POTEF: variants seen among roughly 807,000 people sequenced by gnomAD.
The protein encoded by POTEF is POTE ankyrin domain family member F.
POTEF carries 20 observed loss-of-function variants against 83.2 expected under a neutral mutation model. The observed-to-expected ratio is 0.24, with a 90% CI of 0.17 to 0.35. The LOEUF (loss-of-function observed/expected upper bound fraction) is 0.35. Ranked by LOEUF, POTEF falls within the 10% of genes least tolerant of loss-of-function variation. POTEF has a pLI of 1.00. For synonymous variants in POTEF, 196 were observed against 446.4 expected (o/e 0.44, Z 7.07); for missense variants, 550 against 1,203.2 (o/e 0.46, Z 8.03).
chr2:130,111,134 C>G (rs1377296758), intron 6 of POTEF, among the ~76,000 whole-genome samples: 1 of 149,592 alleles, frequency 6.7e-6, no homozygotes, highest in Non-Finnish European at 1.5e-5. Context: ...GTGCCAATAA[C>G]CATGTGCTAG....
intron 9 of POTEF, among the ~76,000 whole-genome samples, chr2:130,101,689 G>C (rs1293807662): frequency 1.4e-5 from 2 of 140,322 alleles, no homozygotes; most frequent in Non-Finnish European, 3.0e-5. Context: ...TAATTCTATT[G>C]CTTAATAACA....
intron 3 of POTEF, among the ~76,000 whole-genome samples, chr2:130,116,474 A>G (rs1282886366): frequency 1.4e-4 from 20 of 147,340 alleles, no homozygotes; most frequent in East Asian, 4.0e-4. Flanking sequence ...GTACCCATTC[A>G]TTCTATTTCC....
intron 15 of POTEF, among the ~76,000 whole-genome samples, chr2:130,085,076 CATA>C (rs1475153876): frequency 2.2e-5 from 2 of 92,948 alleles, no homozygotes; most frequent in Non-Finnish European, 4.2e-5. Context: ...AAATTTTTTA[CATA>C]ATACTATAAT....
At chr2:130,083,866 TA>T (rs1683958514) in intron 15 of POTEF, among the ~76,000 whole-genome samples, 2 of 69,234 alleles carry the variant, frequency 2.9e-5, no homozygotes, top group African/African-American at 1.5e-4. Flanking sequence ...TTCTAAAGGT[TA>T]TAAAAATTAT....
chr2:130,116,110 T>G (rs1007712782), intron 3 of POTEF, among the ~76,000 whole-genome samples: 1 of 152,086 alleles, frequency 6.6e-6, no homozygotes, highest in East Asian at 1.9e-4. Context: ...ATAAGAAAGC[T>G]GAGGTGAAAA....
chr2:130,128,931 CCT>C (rs1401354631), intron 1 of POTEF, 139 bp downstream of exon 1: 10 of 123,258 alleles, frequency 8.1e-5, no homozygotes, highest in Admixed American at 2.5e-4. Flanking sequence ...AAACCGCCCC[CCT>C]CCACCGCCAG....
Position 130,107,946 on chromosome 2 carries a change from G to A in POTEF, c.1126+63C>T, listed in dbSNP as rs1328806839. ...TGGAAAAATTGTCTTCCACAAAACC[G>A]GTCCCTGGTGTCAAAAAGATTGGGG... On this transcript the variant is annotated intron_variant, in intron 8 of 16. Coordinates refer to ENST00000409914, the MANE Select transcript of POTEF (RefSeq NM_001099771.2). The A allele has an allele frequency of 3.2e-5, 49 of 1,525,108 alleles. 1 individual carries two copies. The highest frequency in any genetic ancestry group is 1.8e-4 in the East Asian group (7 of 38,652). 94.5% of individuals were successfully genotyped at this position (1,525,108 alleles called of 1,614,324 possible). A position where few individuals can be genotyped will look rare whatever the true frequency, so the allele number is the denominator to read the frequency against.
At chr2:130,115,617 G>A (rs1478636424) in intron 3 of POTEF, among the ~76,000 whole-genome samples, 1 of 152,040 alleles carries the variant, frequency 6.6e-6, no homozygotes, top group African/African-American at 2.4e-5. Flanking sequence ...AGCCTTTTGG[G>A]GTCTCAGTTT....
chr2:130,113,281 G>A (rs1684759522), intron 5 of POTEF, among the ~76,000 whole-genome samples: 1 of 115,070 alleles, frequency 8.7e-6, no homozygotes, highest in Non-Finnish European at 1.8e-5. Context: ...GGTCGAGGCT[G>A]CAGTGAGCTG....
At chr2:130,105,390 T>C (rs552935303) in intron 8 of POTEF, among the ~76,000 whole-genome samples, 7,369 of 151,244 alleles carry the variant, frequency 0.049, 603 homozygotes, top group African/African-American at 0.17. Context: ...TTGTAATACA[T>C]TGATGCTACT....
intron 13 of POTEF, among the ~76,000 whole-genome samples, chr2:130,087,583 T>A (rs1323450123): frequency 3.0e-5 from 3 of 101,432 alleles, no homozygotes; most frequent in African/African-American, 1.3e-4. Context: ...GATTCTTCTG[T>A]TAATAAGGTT....
At chr2:130,113,932 C>T (rs1164921651) in intron 5 of POTEF, among the ~76,000 whole-genome samples, 1 of 151,706 alleles carries the variant, frequency 6.6e-6, no homozygotes, top group Non-Finnish European at 1.5e-5. Flanking sequence ...TGATTTTCCC[C>T]GGTAAGAGAA....
At chr2:130,121,621 G>A (rs1410210104) in intron 2 of POTEF, among the ~76,000 whole-genome samples, 3 of 62,498 alleles carry the variant, frequency 4.8e-5, no homozygotes, top group East Asian at 3.7e-4. Context: ...CTCCTGCCCC[G>A]GTGCAGTGTA....
chr2:130,122,662 A>G lies in POTEF; in HGVS notation c.-93-2054T>C, dbSNP rs2407456. ...AATTTTGACAATATTAATTTTTTCA[A>G]TTGATATAGGACTTTTTCTATTTGT... On this transcript the variant is annotated intron_variant, in intron 2 of 16. Transcript: ENST00000409914. 3.0e-4 allele frequency among the ~76,000 whole-genome samples: 45 copies of G among 151,582 alleles called. 1 individual carries two copies. The highest frequency in any genetic ancestry group is 1.1e-3 in the African/African-American group (44 of 40,886).
intron 2 of POTEF, among the ~76,000 whole-genome samples, chr2:130,124,505 TATAAG>T (rs894199537): frequency 1.1e-4 from 15 of 142,518 alleles, no homozygotes; most frequent in African/African-American, 4.1e-4. Flanking sequence ...CAATTTGCCA[TATAAG>T]ATCCTCTCTC....
At chr2:130,103,669 G>C (rs139983561) in intron 8 of POTEF, among the ~76,000 whole-genome samples, 1 of 150,810 alleles carries the variant, frequency 6.6e-6, no homozygotes, top group East Asian at 1.9e-4. Context: ...TAGGCATTAG[G>C]GTTTAAAAAG....
chr2:130,116,506 C>T lies in POTEF; in HGVS notation c.522-1178G>A, dbSNP rs192615060. On this transcript the variant is annotated intron_variant, in intron 3 of 16. Transcript: ENST00000409914. ...TTCCTGCTTCCTTCCCTCCTCCCAC[C>T]CTTCACCCTGTAATAGGCCCCAGTG... Among the ~76,000 whole-genome samples, 100 of 146,130 alleles carry T rather than the reference C, an allele frequency of 6.8e-4. No individual in the cohort carries two copies. In the East Asian group the frequency reaches 0.019, roughly 27 times the overall value.
chr2:130,083,733 C>T (rs1425794617), intron 15 of POTEF, among the ~76,000 whole-genome samples: 1 of 65,180 alleles, frequency 1.5e-5, no homozygotes, highest in East Asian at 3.3e-4. Context: ...ATATACTTAA[C>T]GCTCATGACT....
At chr2:130,119,078 A>G (rs1404475956) in intron 3 of POTEF, among the ~76,000 whole-genome samples, 3 of 152,000 alleles carry the variant, frequency 2.0e-5, no homozygotes, top group East Asian at 1.9e-4. Flanking sequence ...CACAATAATA[A>G]AAGACAGCAT....
Sources: gnomAD v4.1 joint callset for allele counts (sites outside exome capture counted in the v4.1 genomes callset) on GRCh38, gnomAD v4.1.1 for gene constraint, MANE v1.5 for transcripts, NCBI Gene and HGNC (gene_info 2026-07-23, HGNC 2026-07-21) for gene names.